CCDC60: variants seen among roughly 807,000 people sequenced by gnomAD.
The protein encoded by CCDC60 is coiled-coil domain containing 60.
A neutral mutation model predicts 63.5 loss-of-function variants in CCDC60; 54 were observed. That is an observed-to-expected ratio of 0.85 (90% CI 0.68 to 1.07). CCDC60 has a LOEUF of 1.07. CCDC60 is among the 50% of genes least tolerant of loss of function. The pLI is 0.00. For missense variants in CCDC60, 651 were observed against 684.3 expected, an observed-to-expected ratio of 0.95 and a Z score of 0.54; for synonymous variants, 206 against 238.8, an observed-to-expected ratio of 0.86 and a Z score of 1.27.
chr12:119,355,795 A>G (rs1168540903), intron 1 of CCDC60, among the ~76,000 whole-genome samples: 2 of 152,170 alleles, frequency 1.3e-5, no homozygotes, highest in Non-Finnish European at 2.9e-5. Flanking sequence ...AATATGTGGA[A>G]TTTTCTAGAA....
At chr12:119,537,307 C>T (rs1028773110) in intron 13 of CCDC60, among the ~76,000 whole-genome samples, 2 of 152,180 alleles carry the variant, frequency 1.3e-5, no homozygotes, top group African/African-American at 4.8e-5. Flanking sequence ...GTTCGCCATT[C>T]GTCTAATCTT....
chr12:119,393,170 G>T (rs908855665), intron 1 of CCDC60, among the ~76,000 whole-genome samples: 4 of 152,026 alleles, frequency 2.6e-5, no homozygotes, highest in Non-Finnish European at 5.9e-5. Flanking sequence ...TCACAAAAAA[G>T]AAAGAATTCT....
chr12:119,403,709 C>G lies in CCDC60; in HGVS notation c.91-24974C>G, dbSNP rs865999272. 3.9e-5 allele frequency among the ~76,000 whole-genome samples: 6 copies of G among 152,178 alleles called. No homozygotes were observed. The South Asian group carries it at 6.2e-4, about 16-fold the overall frequency. The stretch of plus-strand genomic sequence containing the variant: ...TTCCTCACCCCTCCCCTCCACCAAC[C>G]CTATTGCTATGCTCCAGCTGGACTG... On this transcript the variant is annotated intron_variant, in intron 1 of 13. Transcript: ENST00000327554.
intron 2 of CCDC60, among the ~76,000 whole-genome samples, chr12:119,469,454 T>C (rs1951014319): frequency 6.6e-6 from 1 of 152,190 alleles, no homozygotes; most frequent in South Asian, 2.1e-4. Context: ...GAAATGGGGT[T>C]TCATCATGTT....
At chr12:119,381,278 T>C (rs1477257056) in intron 1 of CCDC60, among the ~76,000 whole-genome samples, 1 of 152,236 alleles carries the variant, frequency 6.6e-6, no homozygotes, top group African/African-American at 2.4e-5. Context: ...TTTCTATTCT[T>C]GGTTTGCCTT....
intron 2 of CCDC60, among the ~76,000 whole-genome samples, chr12:119,461,842 G>A (rs200424760): frequency 6.6e-6 from 1 of 152,184 alleles, no homozygotes; most frequent in East Asian, 1.9e-4. Flanking sequence ...CAGCAATAAT[G>A]ATGAAGAAAA....
At chr12:119,534,004 T>G (rs1430250782) in intron 13 of CCDC60, among the ~76,000 whole-genome samples, 2 of 152,234 alleles carry the variant, frequency 1.3e-5, no homozygotes, top group Non-Finnish European at 2.9e-5. Context: ...ATAAATTACC[T>G]TGGGGAGTAC....
chr12:119,428,934 C>A, intron 2 of CCDC60, 172 bp downstream of exon 2: 1 of 505,914 alleles, frequency 2.0e-6, no homozygotes, highest in Non-Finnish European at 3.5e-6. Context: ...ATCGCTTTCT[C>A]AGCTGGACTT....
intron 7 of CCDC60, among the ~76,000 whole-genome samples, chr12:119,508,222 C>T (rs1006213249): frequency 6.6e-6 from 1 of 151,868 alleles, no homozygotes; most frequent in Admixed American, 6.6e-5. Flanking sequence ...GTAGCTCACG[C>T]CTGTAATCCC....
intron 1 of CCDC60, among the ~76,000 whole-genome samples, chr12:119,349,691 A>G (rs1955635217): frequency 6.6e-6 from 1 of 152,074 alleles, no homozygotes; most frequent in Non-Finnish European, 1.5e-5. Flanking sequence ...TGAAGTTGAC[A>G]ACGGACAGAC....
rs577812880 is a variant in CCDC60 at position 119,388,767 on chromosome 12, A to G, written c.91-39916A>G. On this transcript the variant is annotated intron_variant, in intron 1 of 13. Transcript: ENST00000327554. ...CTTACTTTGATTCTCAAGTGCTTCTATAACAGTTTGGGGAGCAGAAGAAAA... is the reference window on the plus strand; with the variant it reads ...CTTACTTTGATTCTCAAGTGCTTCTGTAACAGTTTGGGGAGCAGAAGAAAA... Among the ~76,000 whole-genome samples, 46 of 152,328 alleles carry G rather than the reference A, an allele frequency of 3.0e-4. 1 individual carries two copies. In the South Asian group the frequency reaches 3.5e-3, roughly 12 times the overall value.
Position 119,528,642 on chromosome 12 carries a change from G to A in CCDC60, c.1257G>A (p.Lys419=), listed in dbSNP as rs764056133. 2 of 1,613,818 alleles carry A rather than the reference G, an allele frequency of 1.2e-6. No individual in the cohort carries two copies. The highest frequency in any genetic ancestry group is 1.7e-6 in the Non-Finnish European group (2 of 1,179,940). The part of the protein sequence containing the change: ...MKRQEERGIQ[K]FRAFVLVSNF... ...GCCAAGAAGAGAGAGGTATCCAGAA[G>A]TTCCGTGCTTTTGTCCTTGTCTCAA... is the stretch of plus-strand genomic sequence containing the variant. Residue 419 remains lysine (K), a synonymous_variant, in exon 12 of 14, where the codon AAG becomes AAA. Transcript: ENST00000327554.
intron 1 of CCDC60, among the ~76,000 whole-genome samples, chr12:119,415,308 A>G (rs1314324037): frequency 6.6e-6 from 1 of 152,226 alleles, no homozygotes; most frequent in East Asian, 1.9e-4. Context: ...GCACAAAAGC[A>G]TCCTAGGAAA....
chr12:119,377,330 G>A (rs1457878935), intron 1 of CCDC60, among the ~76,000 whole-genome samples: 5 of 147,514 alleles, frequency 3.4e-5, no homozygotes, highest in African/African-American at 1.2e-4. Flanking sequence ...AGACGGAGAA[G>A]TAAAATAAGA....
intron 13 of CCDC60, among the ~76,000 whole-genome samples, chr12:119,533,196 G>A (rs1952906636): frequency 6.6e-6 from 1 of 151,982 alleles, no homozygotes; most frequent in African/African-American, 2.4e-5. Context: ...TCATTTGTTT[G>A]TTGGCTGCAT....
chr12:119,402,385 G>A (rs1956407923), intron 1 of CCDC60: 1 of 152,228 alleles, frequency 6.6e-6, no homozygotes, highest in African/African-American at 2.4e-5. Context: ...TTTGCTGTGT[G>A]ACGTTAGGAA....
intron 1 of CCDC60, among the ~76,000 whole-genome samples, chr12:119,363,472 T>C (rs1955811881): frequency 6.6e-6 from 1 of 151,780 alleles, no homozygotes; most frequent in Non-Finnish European, 1.5e-5. Context: ...TTTTATTCCT[T>C]TAATGGTGCC....
At chr12:119,467,580 G>A (rs1950974744) in intron 2 of CCDC60, among the ~76,000 whole-genome samples, 1 of 152,214 alleles carries the variant, frequency 6.6e-6, no homozygotes, top group Non-Finnish European at 1.5e-5. Context: ...CAACCATGCT[G>A]GCACCCTGAT....
intron 9 of CCDC60, among the ~76,000 whole-genome samples, chr12:119,521,111 T>A (rs956948341): frequency 6.6e-6 from 1 of 152,196 alleles, no homozygotes; most frequent in African/African-American, 2.4e-5. Context: ...ACAATCAAAT[T>A]TGGAATATGG....
Sources: gnomAD v4.1 joint callset for allele counts (sites outside exome capture counted in the v4.1 genomes callset) on GRCh38, gnomAD v4.1.1 for gene constraint, MANE v1.5 for transcripts, NCBI Gene and HGNC (gene_info 2026-07-23, HGNC 2026-07-21) for gene names.